ARHGAP26: variants seen among roughly 807,000 people sequenced by gnomAD.
The protein encoded by ARHGAP26 is Rho GTPase activating protein 26.
In ARHGAP26, 38 loss-of-function variants were observed where a neutral mutation model predicts 104.8. The observed-to-expected ratio is 0.36, with a 90% CI of 0.28 to 0.48. The LOEUF (loss-of-function observed/expected upper bound fraction) is 0.48. ARHGAP26 is among the 20% of genes least tolerant of loss of function. The pLI is 0.99. For synonymous variants in ARHGAP26, 341 were observed against 340.0 expected (o/e 1.00, Z -0.03); for missense variants, 704 against 947.9 (o/e 0.74, Z 3.38).
chr5:142,992,549 TC>T (rs1222397348), intron 11 of ARHGAP26, among the ~76,000 whole-genome samples: 1 of 151,932 alleles, frequency 6.6e-6, no homozygotes, highest in African/African-American at 2.4e-5. Context: ...CGCCTCAGCC[TC>T]CCAAGTAGCT....
intron 14 of ARHGAP26, among the ~76,000 whole-genome samples, chr5:143,052,049 A>G (rs920700839): frequency 6.6e-6 from 1 of 152,218 alleles, no homozygotes; most frequent in Non-Finnish European, 1.5e-5. Flanking sequence ...AGGGAGTGCA[A>G]GATGGCAAAG....
intron 12 of ARHGAP26, among the ~76,000 whole-genome samples, chr5:143,017,783 C>G (rs1309564675): frequency 6.6e-6 from 1 of 152,200 alleles, no homozygotes; most frequent in Admixed American, 6.5e-5. Context: ...TCCATCTTCT[C>G]ATGCCTCCAA....
chr5:142,858,123 G>A (rs1752717631), intron 1 of ARHGAP26, among the ~76,000 whole-genome samples: 1 of 151,802 alleles, frequency 6.6e-6, no homozygotes, highest in Non-Finnish European at 1.5e-5. Flanking sequence ...GAGTGTGTGT[G>A]TGTGTGTGTT....
Position 143,097,109 on chromosome 5 carries a change from C to T in ARHGAP26, c.1539-23879C>T, listed in dbSNP as rs370969889. Reference sequence around the variant, plus strand: ...ATCACAGCTCTTTGGGAGACCAATGCGGGAGGATCTTTTAAGGTCAGGAGT... The same window carrying T: ...ATCACAGCTCTTTGGGAGACCAATGTGGGAGGATCTTTTAAGGTCAGGAGT... On this transcript the variant is annotated intron_variant, in intron 17 of 22. Transcript: ENST00000645722. 3.7e-3 allele frequency among the ~76,000 whole-genome samples: 563 copies of T among 152,030 alleles called. 3 individuals carry two copies. Among genetic ancestry groups the T allele is most frequent in the African/African-American group, 0.012 (493 of 41,462 alleles).
At chr5:143,217,668 G>A (rs1810542198) in intron 22 of ARHGAP26, among the ~76,000 whole-genome samples, 1 of 152,136 alleles carries the variant, frequency 6.6e-6, no homozygotes, top group Admixed American at 6.5e-5. Flanking sequence ...AAGCTGCCTA[G>A]GAAATGGGTT....
chr5:142,928,479 G>A (rs1764243687), intron 10 of ARHGAP26, among the ~76,000 whole-genome samples: 1 of 152,112 alleles, frequency 6.6e-6, no homozygotes, highest in African/African-American at 2.4e-5. Context: ...GCTCACTAAG[G>A]TGTTTGCAGA....
intron 10 of ARHGAP26, among the ~76,000 whole-genome samples, chr5:142,926,604 TACTC>T (rs1488277763): frequency 6.6e-6 from 1 of 152,166 alleles, no homozygotes; most frequent in South Asian, 2.1e-4. Context: ...TTTGTTGCGT[TACTC>T]AGGAGGAGAA....
At position 143,214,194 on chromosome 5, in the gene ARHGAP26, C is replaced by CACAAAA. The variant is rs1809965954; in HGVS notation, c.2191+107_2191+108insCAAAAA. 1.2e-5 allele frequency: 9 copies of CACAAAA among 737,078 alleles called. No individual in the cohort carries two copies. The African/African-American group carries it at 1.4e-4, about 11-fold the overall frequency. The allele number at this position is 737,078 out of a possible 1,614,324, so 45.7% of individuals were successfully genotyped here. A position where few individuals can be genotyped will look rare whatever the true frequency, so the allele number is the denominator to read the frequency against. The stretch of plus-strand genomic sequence containing the variant: ...CTCCTCCCGAGGGAAAATCTCAATA[C>CACAAAA]AATGGGTAAGAAAAAAAGTGTGTGT... On this transcript the variant is annotated intron_variant, in intron 22 of 22. Coordinates refer to ENST00000645722, the MANE Select transcript of ARHGAP26 (RefSeq NM_001135608.3).
At chr5:143,104,475 C>T (rs1456146956) in intron 17 of ARHGAP26, among the ~76,000 whole-genome samples, 2 of 152,178 alleles carry the variant, frequency 1.3e-5, no homozygotes, top group Non-Finnish European at 2.9e-5. Context: ...CACACCACTG[C>T]ACTCCAGTCT....
intron 1 of ARHGAP26, among the ~76,000 whole-genome samples, chr5:142,784,646 C>A (rs1281293891): frequency 6.6e-6 from 1 of 152,124 alleles, no homozygotes; most frequent in Non-Finnish European, 1.5e-5. Flanking sequence ...ACTGAGCTCC[C>A]CAAATGGGCA....
At chr5:142,955,314 T>C (rs571409943) in intron 11 of ARHGAP26, among the ~76,000 whole-genome samples, 2 of 152,272 alleles carry the variant, frequency 1.3e-5, no homozygotes, top group East Asian at 3.9e-4. Flanking sequence ...AAAAAAATTT[T>C]TTTTTAAAGC....
In ARHGAP26 at chr5:142,949,586, A is replaced by G. The variant is rs140598877; in HGVS notation, c.1107+17461A>G. Among the ~76,000 whole-genome samples, 69 of 152,250 alleles carry G rather than the reference A, an allele frequency of 4.5e-4. 2 individuals are homozygous for G. The East Asian group carries it at 8.9e-3, about 20-fold the overall frequency. On this transcript the variant is annotated intron_variant, in intron 11 of 22. Coordinates refer to ENST00000645722, the MANE Select transcript of ARHGAP26 (RefSeq NM_001135608.3). ...CTTTGGCTCAAGACTTTTCAGTACA[A>G]TGTTCTAAACTCCAGCTACCATGTA...
At chr5:142,880,214 T>G (rs2152386539) in intron 4 of ARHGAP26, among the ~76,000 whole-genome samples, 1 of 152,338 alleles carries the variant, frequency 6.6e-6, no homozygotes, top group South Asian at 2.1e-4. Flanking sequence ...AGGGCTCCTT[T>G]GCCCTGTAAT....
At chr5:143,187,189 G>A (rs1346934429) in intron 20 of ARHGAP26, among the ~76,000 whole-genome samples, 1 of 152,092 alleles carries the variant, frequency 6.6e-6, no homozygotes, top group Non-Finnish European at 1.5e-5. Flanking sequence ...AGTTGCCCAG[G>A]GTGACACAGC....
intron 8 of ARHGAP26, among the ~76,000 whole-genome samples, chr5:142,905,992 G>A (rs1761053671): frequency 6.6e-6 from 1 of 152,164 alleles, no homozygotes. Flanking sequence ...ATCTGGAACA[G>A]TTCTCCAGCT....
At chr5:143,202,997 A>G (rs1323866051) in intron 20 of ARHGAP26, 2 of 152,240 alleles carry the variant, frequency 1.3e-5, no homozygotes, top group African/African-American at 4.8e-5. Flanking sequence ...AGGCAATACC[A>G]TTCAGGACAT....
At chr5:143,097,022 A>T (rs1162914685) in intron 17 of ARHGAP26, among the ~76,000 whole-genome samples, 1 of 152,172 alleles carries the variant, frequency 6.6e-6, no homozygotes, top group East Asian at 1.9e-4. Flanking sequence ...AGGCAGATGG[A>T]TCACATGTAT....
chr5:143,170,671 T>C (rs571926690), intron 20 of ARHGAP26: 26 of 152,352 alleles, frequency 1.7e-4, no homozygotes, highest in African/African-American at 6.0e-4. Flanking sequence ...GAGGTACTGT[T>C]GTACTCCACA....
chr5:142,990,737 C>G (rs927941391), intron 11 of ARHGAP26, among the ~76,000 whole-genome samples: 1 of 152,210 alleles, frequency 6.6e-6, no homozygotes, highest in African/African-American at 2.4e-5. Flanking sequence ...ACTCCAGACC[C>G]TGTTTGCCTG....
Sources: gnomAD v4.1 joint callset for allele counts (sites outside exome capture counted in the v4.1 genomes callset) on GRCh38, gnomAD v4.1.1 for gene constraint, MANE v1.5 for transcripts, NCBI Gene and HGNC (gene_info 2026-07-23, HGNC 2026-07-21) for gene names.